The following ASIC2 variants were observed in gnomAD, a reference collection of about 807,000 sequenced individuals.
ASIC2 encodes acid sensing ion channel subunit 2.
A neutral mutation model predicts 57.3 loss-of-function variants in ASIC2; 25 were observed. The ratio of observed to expected loss-of-function variants is 0.44; its 90% CI spans 0.32 to 0.61. The LOEUF (loss-of-function observed/expected upper bound fraction) is 0.61, where lower values mean the gene tolerates loss of function less well. ASIC2 is among the 20% of genes least tolerant of loss of function. ASIC2 has a pLI of 0.06. For missense variants in ASIC2, 641 were observed against 738.1 expected, an observed-to-expected ratio of 0.87 and a Z score of 1.52; for synonymous variants, 319 against 307.5, an observed-to-expected ratio of 1.04 and a Z score of -0.39.
chr17:33,850,082 G>A (rs1009452009), intron 1 of ASIC2, among the ~76,000 whole-genome samples: 11 of 152,192 alleles, frequency 7.2e-5, no homozygotes, highest in Admixed American at 7.2e-4. Context: ...TCGAAGATTA[G>A]AGTCTAACTG....
intron 1 of ASIC2, among the ~76,000 whole-genome samples, chr17:33,790,721 T>G (rs995704444): frequency 1.1e-4 from 16 of 152,068 alleles, no homozygotes; most frequent in Non-Finnish European, 2.1e-4. Context: ...ACATTACATC[T>G]ATCATCTCTA....
intron 1 of ASIC2, among the ~76,000 whole-genome samples, chr17:33,498,067 C>G (rs1336551196): frequency 6.6e-6 from 1 of 152,226 alleles, no homozygotes; most frequent in African/African-American, 2.4e-5. Context: ...AGGATGTGTG[C>G]TGTGTCTTTT....
At chr17:33,860,079 CA>C (rs1167875926) in intron 1 of ASIC2, among the ~76,000 whole-genome samples, 2 of 152,136 alleles carry the variant, frequency 1.3e-5, no homozygotes, top group Non-Finnish European at 2.9e-5. Context: ...CTCTGTCACC[CA>C]CCAGATGGGT....
intron 1 of ASIC2, among the ~76,000 whole-genome samples, chr17:33,854,321 G>A (rs556285483): frequency 6.6e-6 from 1 of 152,328 alleles, no homozygotes; most frequent in South Asian, 2.1e-4. Flanking sequence ...TATTGGTCAT[G>A]TGTGCAGACC....
At chr17:33,034,471 T>C (rs1363081295) in intron 3 of ASIC2, among the ~76,000 whole-genome samples, 1 of 152,188 alleles carries the variant, frequency 6.6e-6, no homozygotes, top group African/African-American at 2.4e-5. Context: ...CACTCCAGCC[T>C]GGGTGACAGA....
At chr17:33,090,636 G>C (rs1234816305) in intron 2 of ASIC2, among the ~76,000 whole-genome samples, 1 of 152,202 alleles carries the variant, frequency 6.6e-6, no homozygotes, top group Non-Finnish European at 1.5e-5. Context: ...CACTCAGGCT[G>C]TGGCTTGGGG....
intron 3 of ASIC2, among the ~76,000 whole-genome samples, chr17:33,074,725 A>G (rs2092082527): frequency 6.6e-6 from 1 of 152,142 alleles, no homozygotes; most frequent in Admixed American, 6.5e-5. Flanking sequence ...CAGGTTTCTT[A>G]ACCTCTCAGT....
intron 1 of ASIC2, among the ~76,000 whole-genome samples, chr17:33,919,184 C>G (rs1915654780): frequency 6.6e-6 from 1 of 152,108 alleles, no homozygotes; most frequent in Admixed American, 6.5e-5. Flanking sequence ...TCCAGGGTTA[C>G]AAACAAGGTG....
At chr17:33,589,624 T>C (rs1336049848) in intron 1 of ASIC2, among the ~76,000 whole-genome samples, 2 of 152,210 alleles carry the variant, frequency 1.3e-5, no homozygotes, top group East Asian at 3.9e-4. Flanking sequence ...ACAGTATTTA[T>C]CTTTCTGTGT....
intron 1 of ASIC2, among the ~76,000 whole-genome samples, chr17:33,874,969 T>C (rs542054640): frequency 1.2e-4 from 18 of 152,298 alleles, no homozygotes; most frequent in African/African-American, 4.3e-4. Context: ...TCTTGTCCCA[T>C]GACAAGCTCC....
intron 1 of ASIC2, among the ~76,000 whole-genome samples, chr17:33,688,581 G>A (rs1448559521): frequency 6.6e-6 from 1 of 152,154 alleles, no homozygotes. Flanking sequence ...CAAAGCGACT[G>A]TTGTATTATG....
chr17:33,194,445 C>T lies in ASIC2; in HGVS notation c.709-82378G>A, dbSNP rs546606607. Among the ~76,000 whole-genome samples the T allele has an allele frequency of 6.6e-5, 10 of 152,264 alleles. No individual in the cohort carries two copies. The South Asian group carries it at 2.1e-3, about 32-fold the overall frequency. On this transcript the variant is annotated intron_variant, in intron 1 of 9. Coordinates refer to ENST00000225823, the MANE Select transcript of ASIC2 (RefSeq NM_183377.2). Reference sequence around the variant, plus strand: ...AAATGACAGGATAGATATGAAATTGCTCACTAAGCCGATATGATGATGATG... The same window carrying T: ...AAATGACAGGATAGATATGAAATTGTTCACTAAGCCGATATGATGATGATG...
chr17:33,262,243 C>G lies in ASIC2; in HGVS notation c.708+29165G>C, dbSNP rs958940568. On this transcript the variant is annotated intron_variant, in intron 1 of 9. Coordinates refer to ENST00000225823, the MANE Select transcript of ASIC2 (RefSeq NM_183377.2). ...CAAAATTCACCACCCCTCCATACCC[C>G]CAAGGATCTCTTTCCCTTTCTTTCT... 2.2e-4 allele frequency among the ~76,000 whole-genome samples: 34 copies of G among 152,098 alleles called. 1 individual carries two copies. Among genetic ancestry groups the G allele is most frequent in the Non-Finnish European group, 2.8e-4 (19 of 68,024 alleles).
At chr17:33,169,214 G>A (rs962070484) in intron 1 of ASIC2, among the ~76,000 whole-genome samples, 12 of 152,132 alleles carry the variant, frequency 7.9e-5, no homozygotes, top group African/African-American at 2.2e-4. Flanking sequence ...GTGTCCATAC[G>A]GTGTGAATTC....
chr17:33,869,846 C>T (rs1567740366), intron 1 of ASIC2, among the ~76,000 whole-genome samples: 1 of 152,156 alleles, frequency 6.6e-6, no homozygotes, highest in East Asian at 1.9e-4. Flanking sequence ...TGTGTTTATA[C>T]TAAAAGCCAT....
At chr17:33,984,424 C>G (rs1905740105) in intron 1 of ASIC2, 1 of 152,154 alleles carries the variant, frequency 6.6e-6, no homozygotes, top group Non-Finnish European at 1.5e-5. Flanking sequence ...TCACTCTGTT[C>G]CATACCAAGC....
At chr17:33,892,485 C>T (rs1245531286) in intron 1 of ASIC2, among the ~76,000 whole-genome samples, 1 of 152,140 alleles carries the variant, frequency 6.6e-6, no homozygotes, top group Admixed American at 6.5e-5. Context: ...TCAAACCCTT[C>T]TCACCTCTAT....
chr17:33,106,371 G>A (rs2092234294), intron 2 of ASIC2, among the ~76,000 whole-genome samples: 1 of 152,164 alleles, frequency 6.6e-6, no homozygotes, highest in Admixed American at 6.5e-5. Context: ...GGAAATCAGG[G>A]CAGATTGTAT....
chr17:33,810,090 T>C (rs1282072962), intron 1 of ASIC2, among the ~76,000 whole-genome samples: 3 of 152,178 alleles, frequency 2.0e-5, no homozygotes, highest in Non-Finnish European at 2.9e-5. Flanking sequence ...ACTAAATATA[T>C]GCATTTGAAA....
Sources: gnomAD v4.1 joint callset for allele counts (sites outside exome capture counted in the v4.1 genomes callset) on GRCh38, gnomAD v4.1.1 for gene constraint, MANE v1.5 for transcripts, NCBI Gene and HGNC (gene_info 2026-07-23, HGNC 2026-07-21) for gene names.